Variants in UNC79 observed in about 807,000 individuals in gnomAD.
The protein encoded by UNC79 is protein unc-79 homolog.
Under a neutral mutation model 283.1 loss-of-function variants are expected in UNC79, and 37 were observed. The observed-to-expected ratio is 0.13, with a 90% CI of 0.10 to 0.17. The LOEUF (loss-of-function observed/expected upper bound fraction) is 0.17. Among genes scored for constraint, UNC79 ranks in the 10% least tolerant of loss-of-function variants. The pLI is 1.00. For missense variants in UNC79, 2,272 were observed against 3,211.1 expected (o/e 0.71, Z 7.07); for synonymous variants, 1,107 against 1,200.2 (o/e 0.92, Z 1.61).
upstream of UNC79, among the ~76,000 whole-genome samples, chr14:93,426,883 T>G (rs2055743506): frequency 6.6e-6 from 1 of 152,116 alleles, no homozygotes; most frequent in Non-Finnish European, 1.5e-5. Context: ...ATTGGTCAAG[T>G]GGGTCACATT....
At position 93,449,879 on chromosome 14, in the gene UNC79, T is replaced by A. The variant is rs2056582123; in HGVS notation, c.23-17792T>A. On this transcript the variant is annotated intron_variant, in intron 1 of 48. Transcript: ENST00000555664. ...GGATTAAATCAGCGGTGGGTATAGA[T>A]AAGATACAGGAAATGTTCTATCTTT... Among the ~76,000 whole-genome samples, 3 of 152,196 alleles carry A rather than the reference T, an allele frequency of 2.0e-5. No homozygotes were observed. The South Asian group carries it at 6.2e-4, about 32-fold the overall frequency.
At chr14:93,590,316 A>G (rs898416898) in intron 22 of UNC79, among the ~76,000 whole-genome samples, 6 of 152,196 alleles carry the variant, frequency 3.9e-5, no homozygotes, top group African/African-American at 1.4e-4. Flanking sequence ...CCAAGAAAAC[A>G]GGGATTCTAC....
chr14:93,403,140 G>A (rs185759108), intron 1 of UNC79, among the ~76,000 whole-genome samples: 9 of 152,284 alleles, frequency 5.9e-5, no homozygotes, highest in East Asian at 3.9e-4. Flanking sequence ...ATGTGAGAGG[G>A]GGGTAGAGGA....
At chr14:93,399,224 T>A (rs945552328) in intron 1 of UNC79, among the ~76,000 whole-genome samples, 2 of 152,124 alleles carry the variant, frequency 1.3e-5, no homozygotes, top group African/African-American at 4.8e-5. Flanking sequence ...CATGTGGGGA[T>A]TACAGGCCCC....
chr14:93,421,548 T>G (rs1290930127), intron 1 of UNC79, among the ~76,000 whole-genome samples: 2 of 151,622 alleles, frequency 1.3e-5, no homozygotes, highest in African/African-American at 4.8e-5. Flanking sequence ...ACCAGTCCTC[T>G]TCAAACATAT....
At chr14:93,370,635 G>GGC in intron 1 of UNC79, among the ~76,000 whole-genome samples, 1 of 152,194 alleles carries the variant, frequency 6.6e-6, no homozygotes, top group African/African-American at 2.4e-5. Flanking sequence ...AGCCAGACGT[G>GGC]GTGGTACATG....
intron 1 of UNC79, among the ~76,000 whole-genome samples, chr14:93,385,216 G>C (rs1471417501): frequency 6.6e-6 from 1 of 152,062 alleles, no homozygotes; most frequent in Non-Finnish European, 1.5e-5. Flanking sequence ...ACTATCATTG[G>C]TATTTTGATA....
At chr14:93,651,349 CA>C (rs2070237040) in intron 35 of UNC79, among the ~76,000 whole-genome samples, 1 of 152,118 alleles carries the variant, frequency 6.6e-6, no homozygotes, top group African/African-American at 2.4e-5. Context: ...ATTGAAAGAA[CA>C]AATCAATTTG....
intron 1 of UNC79, among the ~76,000 whole-genome samples, chr14:93,413,281 G>GT (rs1407301086): frequency 2.0e-5 from 3 of 150,552 alleles, no homozygotes; most frequent in Admixed American, 6.7e-5. Context: ...GCGGTGTTTG[G>GT]TTTTTTGTCC....
intron 30 of UNC79, among the ~76,000 whole-genome samples, chr14:93,629,058 G>A (rs2140047301): frequency 6.6e-6 from 1 of 152,228 alleles, no homozygotes; most frequent in Non-Finnish European, 1.5e-5. Context: ...AATTAGCTGG[G>A]CATGGTGGTG....
intron 1 of UNC79, among the ~76,000 whole-genome samples, chr14:93,401,759 G>A (rs141556162): frequency 6.6e-6 from 1 of 152,168 alleles, no homozygotes; most frequent in Non-Finnish European, 1.5e-5. Context: ...CTTGTGACTG[G>A]ATTAGTGATA....
chr14:93,445,130 G>A (rs1049427900), intron 1 of UNC79, among the ~76,000 whole-genome samples: 1 of 151,916 alleles, frequency 6.6e-6, no homozygotes, highest in Non-Finnish European at 1.5e-5. Context: ...CAATAGCTTT[G>A]CTGTGTTGGT....
At chr14:93,368,427 C>T (rs1329631843) in intron 1 of UNC79, among the ~76,000 whole-genome samples, 1 of 152,128 alleles carries the variant, frequency 6.6e-6, no homozygotes, top group Non-Finnish European at 1.5e-5. Context: ...TTACTCTCTT[C>T]TTCTTTGACA....
intron 1 of UNC79, among the ~76,000 whole-genome samples, chr14:93,342,928 C>G (rs564160297): frequency 8.5e-5 from 13 of 152,350 alleles, no homozygotes; most frequent in African/African-American, 2.4e-4. Context: ...CCATCTGAGA[C>G]TATCTCAGCC....
chr14:93,360,333 A>G (rs772880261), intron 1 of UNC79, among the ~76,000 whole-genome samples: 5 of 152,234 alleles, frequency 3.3e-5, no homozygotes, highest in Admixed American at 3.3e-4. Context: ...ACCATCAAGG[A>G]TTTGAAATAT....
chr14:93,618,062 A>T, intron 28 of UNC79, 130 bp from the exon 30 acceptor site: 1 of 946,666 alleles, frequency 1.1e-6, no homozygotes, highest in Non-Finnish European at 1.5e-6. Flanking sequence ...ATTTGTTTCT[A>T]CTTCTCTCTC....
At chr14:93,654,451 G>A (rs139210134) in intron 37 of UNC79, among the ~76,000 whole-genome samples, 1 of 148,644 alleles carries the variant, frequency 6.7e-6, no homozygotes, top group African/African-American at 2.4e-5. Context: ...AGCTGTGATG[G>A]CTACATTACA....
At position 93,570,090 on chromosome 14, in the gene UNC79, G is replaced by T. The variant is rs1282797426; in HGVS notation, c.1756-1804G>T. Among the ~76,000 whole-genome samples the T allele has an allele frequency of 2.0e-5, 3 of 152,204 alleles. No individual in the cohort carries two copies. In the East Asian group the frequency reaches 5.8e-4, roughly 29 times the overall value. The stretch of plus-strand genomic sequence containing the variant: ...GCCTCCCAAGTAAATGGAACTACAG[G>T]TGCATACCACCATGCCTGGCTAATT... On this transcript the variant is annotated intron_variant, in intron 14 of 48. Coordinates refer to ENST00000555664, the Ensembl canonical transcript of UNC79.
At chr14:93,572,117 T>G (rs2063236018) in intron 15 of UNC79, 33 bp downstream of exon 15, 1 of 1,603,948 alleles carries the variant, frequency 6.2e-7, no homozygotes, top group South Asian at 1.1e-5. Flanking sequence ...TCACTGTAAT[T>G]ATAATCATAT....
Sources: allele counts gnomAD v4.1 joint callset (sites outside exome capture counted in the v4.1 genomes callset), GRCh38; gene constraint gnomAD v4.1.1; transcripts MANE v1.5; gene names NCBI Gene and HGNC (gene_info 2026-07-23, HGNC 2026-07-21).